The following NUP160 variants were observed in gnomAD, a reference collection of about 807,000 sequenced individuals.
The protein encoded by NUP160 is nuclear pore complex protein Nup160.
A neutral mutation model predicts 196.9 loss-of-function variants in NUP160; 94 were observed. That is an observed-to-expected ratio of 0.48 (90% CI 0.40 to 0.57). NUP160 has a LOEUF of 0.57. NUP160 is among the 20% of genes least tolerant of loss of function. The probability of loss-of-function intolerance (pLI) is 0.00; values close to 1 mark genes in which losing one functional copy is unlikely to be tolerated. For missense variants in NUP160, 1,638 were observed against 1,748.3 expected (o/e 0.94, Z 1.13); for synonymous variants, 605 against 619.7 (o/e 0.98, Z 0.35).
intron 24 of NUP160, 30 bp downstream of exon 24, chr11:47,798,338 G>A (rs1028704180): frequency 1.0e-5 from 16 of 1,569,488 alleles, no homozygotes; most frequent in Non-Finnish European, 1.4e-5. Context: ...AAACCTTAAA[G>A]AAAACAACCA....
intron 1 of NUP160, 85 bp from the exon 2 acceptor site, chr11:47,848,044 G>A (rs768223282): frequency 3.8e-5 from 49 of 1,286,056 alleles, no homozygotes; most frequent in Non-Finnish European, 5.2e-5. Flanking sequence ...GAGAGTGACA[G>A]ACTGACAACC....
At chr11:47,807,124 G>T in exon 19 of NUP160, 2 of 1,610,636 alleles carry the variant, frequency 1.2e-6, no homozygotes, top group Non-Finnish European at 1.7e-6. Flanking sequence ...ACTGATAAGT[G>T]TTGGAGATTA....
chr11:47,788,597 C>T (rs774173403), exon 30 of NUP160: 2 of 1,613,012 alleles, frequency 1.2e-6, no homozygotes, highest in Non-Finnish European at 8.5e-7. Context: ...TCCAGGATTT[C>T]AATTTGTCGA....
intron 27 of NUP160, among the ~76,000 whole-genome samples, 198 bp from the exon 28 acceptor site, chr11:47,793,144 C>T (rs774560010): frequency 1.6e-4 from 24 of 152,002 alleles, no homozygotes; most frequent in Non-Finnish European, 2.8e-4. Flanking sequence ...ACGACCACCA[C>T]GCCCGGCTAA....
chr11:47,805,179 G>A (rs897652279), intron 20 of NUP160, among the ~76,000 whole-genome samples: 4 of 151,908 alleles, frequency 2.6e-5, no homozygotes, highest in African/African-American at 9.7e-5. Flanking sequence ...GCCAGGGCTG[G>A]AGTGCAGGGG....
chr11:47,839,332 C>T (rs967182161), intron 4 of NUP160, among the ~76,000 whole-genome samples: 3 of 152,098 alleles, frequency 2.0e-5, no homozygotes, highest in Admixed American at 1.3e-4. Context: ...CTCAGGTGAC[C>T]CACCTGCCTT....
At chr11:47,847,893 T>G in exon 2 of NUP160, 1 of 1,614,116 alleles carries the variant, frequency 6.2e-7, no homozygotes, top group Non-Finnish European at 8.5e-7. Context: ...CTTGCCACTC[T>G]CCACGTAGTA....
intron 30 of NUP160, 66 bp downstream of exon 30, chr11:47,788,435 C>T (rs963199571): frequency 6.5e-6 from 10 of 1,534,082 alleles, no homozygotes; most frequent in Admixed American, 5.1e-5. Context: ...GCTACATACA[C>T]TGCCTGGACC....
chr11:47,784,781 A>C (rs1338583421), intron 33 of NUP160, 141 bp downstream of exon 33: 9 of 532,046 alleles, frequency 1.7e-5, no homozygotes, highest in Non-Finnish European at 2.8e-5. Flanking sequence ...GGCTCAAGCC[A>C]TCCTCCCCTG....
chr11:47,801,339 GTTTC>G (rs955489629), intron 23 of NUP160, among the ~76,000 whole-genome samples: 72 of 152,134 alleles, frequency 4.7e-4, no homozygotes, highest in African/African-American at 1.7e-3. Flanking sequence ...CTTAAAATAT[GTTTC>G]TTTAATTTCT....
chr11:47,835,125 A>C (rs1852148470), intron 7 of NUP160, among the ~76,000 whole-genome samples: 1 of 152,154 alleles, frequency 6.6e-6, no homozygotes, highest in South Asian at 2.1e-4. Context: ...ATTAGGATTA[A>C]ATGGATAAAA....
rs888508986 is a variant in NUP160, at chr11:47,819,318, A to AAG, written c.1362+55_1362+56insCT. The AAG allele has an allele frequency of 8.1e-6, 11 of 1,364,952 alleles. No homozygotes were observed. In the African/African-American group the frequency reaches 1.3e-4, roughly 16 times the overall value. 84.6% of individuals were successfully genotyped at this position (1,364,952 alleles called of 1,614,324 possible). On this transcript the variant is annotated intron_variant, in intron 10 of 35. Transcript: ENST00000378460. ...ACAGAGCGAGACTCTGTCTCAAAAA[A>AAG]AAAAAAAAGATCAAAGTAAATCATT...
In NUP160 at chr11:47,803,329, T is replaced by C. The variant is rs575227171; in HGVS notation, c.2775+109A>G. On this transcript the variant is annotated intron_variant, in intron 22 of 35. Coordinates refer to ENST00000378460, the Ensembl canonical transcript of NUP160. ...ATTAGTACAGTCTTCTTTAACTTTA[T>C]GTAGAGGATTCTATGTCTCCCATCC... The C allele has an allele frequency of 2.4e-3, 1,654 of 684,846 alleles. 2 individuals are homozygous for C. Among genetic ancestry groups the C allele is most frequent in the Middle Eastern group, 1.0e-2 (40 of 4,020 alleles). The allele number at this position is 684,846 out of a possible 1,614,324, so 42.4% of individuals were successfully genotyped here.
chr11:47,824,034 T>TAC (rs1193354057), intron 7 of NUP160, among the ~76,000 whole-genome samples: 1 of 124,496 alleles, frequency 8.0e-6, no homozygotes, highest in African/African-American at 2.9e-5. Context: ...TATATATATA[T>TAC]ATATATATAT....
exon 23 of NUP160, chr11:47,801,814 G>A (rs371665309): frequency 5.6e-6 from 9 of 1,613,862 alleles, no homozygotes; most frequent in Non-Finnish European, 6.8e-6. Flanking sequence ...GATGTACCTT[G>A]TCATAATACT....
intron 7 of NUP160, among the ~76,000 whole-genome samples, chr11:47,830,723 G>A (rs1489654124): frequency 6.6e-6 from 1 of 152,216 alleles, no homozygotes; most frequent in Non-Finnish European, 1.5e-5. Flanking sequence ...GAGGTTGGGA[G>A]GAGGGAGTGG....
Position 47,785,129 on chromosome 11 carries a change from A to G in NUP160, c.3849-66T>C. Reference sequence around the variant, plus strand: ...AATAGCTATTTAGAGTACCATTCAAAGCATGTATTTACAAGGAAAACTTTT... The same window carrying G: ...AATAGCTATTTAGAGTACCATTCAAGGCATGTATTTACAAGGAAAACTTTT... On this transcript the variant is annotated intron_variant, in intron 32 of 35. Coordinates refer to ENST00000378460, the Ensembl canonical transcript of NUP160. 8.3e-6 allele frequency: 5 copies of G among 602,588 alleles called. 2 individuals carry two copies. The highest frequency in any genetic ancestry group is 1.2e-5 in the Non-Finnish European group (5 of 408,932). The allele number at this position is 602,588 out of a possible 1,614,324, so 37.3% of individuals were successfully genotyped here. A position where few individuals can be genotyped will look rare whatever the true frequency, so the allele number is the denominator to read the frequency against.
chr11:47,785,101 C>CTTTTTTTTTTTTTTT (rs763781654), intron 32 of NUP160, 38 bp from the exon 33 acceptor site: 6 of 1,107,900 alleles, frequency 5.4e-6, no homozygotes, highest in South Asian at 1.9e-5. Flanking sequence ...GTTTCAGATT[C>CTTTTTTTTTTTTTTT]TTAATAGCTA....
chr11:47,791,589 C>T (rs2097667920), intron 29 of NUP160, among the ~76,000 whole-genome samples: 1 of 152,162 alleles, frequency 6.6e-6, no homozygotes, highest in Non-Finnish European at 1.5e-5. Context: ...GATCCACCTG[C>T]CTCGGCCTCC....
Sources: allele counts gnomAD v4.1 joint callset (sites outside exome capture counted in the v4.1 genomes callset), GRCh38; gene constraint gnomAD v4.1.1; transcripts MANE v1.5; gene names NCBI Gene and HGNC (gene_info 2026-07-23, HGNC 2026-07-21).